The following CRYZL1 variants were observed in gnomAD, a reference collection of about 807,000 sequenced individuals.
CRYZL1 encodes ferry endosomal RAB5 effector complex subunit 4.
CRYZL1 carries 34 observed loss-of-function variants against 50.6 expected under a neutral mutation model. That is an observed-to-expected ratio of 0.67 (90% CI 0.51 to 0.89). The LOEUF (loss-of-function observed/expected upper bound fraction) is 0.89. CRYZL1 is among the 40% of genes least tolerant of loss of function. CRYZL1 has a pLI of 0.00. For missense variants in CRYZL1, 354 were observed against 402.3 expected, an observed-to-expected ratio of 0.88 and a Z score of 1.03; for synonymous variants, 125 against 134.3, an observed-to-expected ratio of 0.93 and a Z score of 0.48.
At chr21:33,641,200 C>T in intron 1 of CRYZL1, 6 of 1,550,526 alleles carry the variant, frequency 3.9e-6, no homozygotes, top group Non-Finnish European at 5.2e-6. Flanking sequence ...GATGATTCCG[C>T]CGTTTAGCAT....
intron 7 of CRYZL1, 23 bp from the exon 8 acceptor site, chr21:33,602,368 T>C: frequency 8.8e-7 from 1 of 1,136,028 alleles, no homozygotes; most frequent in Non-Finnish European, 1.3e-6. Flanking sequence ...AAATATACAG[T>C]GGGTGTATGG....
intron 11 of CRYZL1, chr21:33,595,445 G>A: frequency 7.3e-7 from 1 of 1,368,522 alleles, no homozygotes; most frequent in Non-Finnish European, 9.7e-7. Context: ...AGAAAGGAGA[G>A]AGACTGCCTG....
chr21:33,618,651 G>A (rs909099160), intron 4 of CRYZL1, among the ~76,000 whole-genome samples: 4 of 152,102 alleles, frequency 2.6e-5, no homozygotes, highest in African/African-American at 7.2e-5. Flanking sequence ...CAAGTAATTC[G>A]AAGCCTGGTA....
At chr21:33,641,562 G>C in intron 1 of CRYZL1, 119 bp downstream of exon 1, 1 of 371,962 alleles carries the variant, frequency 2.7e-6, no homozygotes, top group African/African-American at 2.1e-5. Context: ...CAAGTCCCAG[G>C]TTAGGGTTCG....
intron 11 of CRYZL1, among the ~76,000 whole-genome samples, chr21:33,593,683 T>TACATGTTGG (rs1156441968): frequency 2.0e-5 from 3 of 152,064 alleles, no homozygotes; most frequent in Non-Finnish European, 2.9e-5. Flanking sequence ...ACATGTAAGA[T>TACATGTTGG]TCAAAACTAA....
intron 8 of CRYZL1, among the ~76,000 whole-genome samples, chr21:33,600,118 A>C (rs1212234372): frequency 1.3e-5 from 2 of 152,072 alleles, no homozygotes; most frequent in Non-Finnish European, 2.9e-5. Flanking sequence ...AAATCGAAAC[A>C]CTGTCAGCTG....
chr21:33,589,692 T>C lies in CRYZL1; in HGVS notation c.*130A>G, dbSNP rs1315953593. On this transcript the variant is annotated 3_prime_UTR_variant, in exon 13 of 13. Transcript: ENST00000381554. ...AATGTGTCAACTGAGCATCTTGTCT[T>C]AGCAGAGAAACGTGCTTAAAAATGC... is the stretch of plus-strand genomic sequence containing the variant. 1 of 642,178 alleles carries C rather than the reference T, an allele frequency of 1.6e-6. No individual in the cohort carries two copies. Among genetic ancestry groups the C allele is most frequent in the Non-Finnish European group, 2.8e-6 (1 of 354,934 alleles). 39.8% of individuals were successfully genotyped at this position (642,178 alleles called of 1,614,324 possible).
intron 11 of CRYZL1, chr21:33,594,798 A>G (rs968314895): frequency 6.1e-5 from 9 of 146,632 alleles, no homozygotes; most frequent in African/African-American, 1.7e-4. Context: ...ATGTGCCACC[A>G]TGCCCGGCCT....
intron 2 of CRYZL1, among the ~76,000 whole-genome samples, chr21:33,630,590 A>C (rs78217575): frequency 7.7e-6 from 1 of 129,836 alleles, no homozygotes; most frequent in Non-Finnish European, 1.7e-5. Context: ...TGTCGCAATT[A>C]AAAAAAAAAA....
At chr21:33,592,136 T>C (rs114437576) in intron 11 of CRYZL1, among the ~76,000 whole-genome samples, 1,775 of 151,638 alleles carry the variant, frequency 0.012, 43 homozygotes, top group African/African-American at 0.04. Context: ...TTATTACTTT[T>C]TCAGAGCTTT....
intron 8 of CRYZL1, among the ~76,000 whole-genome samples, chr21:33,600,638 T>G (rs2086741122): frequency 6.6e-6 from 1 of 151,612 alleles, no homozygotes; most frequent in Non-Finnish European, 1.5e-5. Flanking sequence ...GCTTTTTTTT[T>G]TTTTTGAGAT....
intron 4 of CRYZL1, 147 bp from the exon 5 acceptor site, chr21:33,616,897 T>G (rs992789959): frequency 2.0e-5 from 13 of 634,410 alleles, no homozygotes; most frequent in African/African-American, 2.0e-4. Context: ...TCAATAACAT[T>G]TTGATGGTCT....
At chr21:33,612,551 A>C (rs1188836706) in intron 6 of CRYZL1, among the ~76,000 whole-genome samples, 1 of 152,192 alleles carries the variant, frequency 6.6e-6, no homozygotes, top group Non-Finnish European at 1.5e-5. Flanking sequence ...AGCGTCCCAA[A>C]GTGCTAGGAT....
rs1360274411 is a variant in CRYZL1, at chr21:33,640,343, AGGTAGTAATTATACACTGCAAT to A, written c.-7+1316_-7+1337del. Among the ~76,000 whole-genome samples, 7 of 151,798 alleles carry A rather than the reference AGGTAGTAATTATACACTGCAAT, an allele frequency of 4.6e-5. No individual in the cohort carries two copies. In the East Asian group the frequency reaches 1.4e-3, roughly 29 times the overall value. On this transcript the variant is annotated intron_variant, in intron 1 of 12. Coordinates refer to ENST00000381554, the MANE Select transcript of CRYZL1 (RefSeq NM_145858.3). ...ATCGATAAGGGAAATTAGTGATAAA[AGGTAGTAATTATACACTGCAAT>A]GGCTGCGGGATCTGATTTAGAAGTC...
intron 4 of CRYZL1, chr21:33,616,966 G>A (rs2086941188): frequency 3.0e-6 from 1 of 336,102 alleles, no homozygotes; most frequent in Admixed American, 4.8e-5. Flanking sequence ...TTTGGGCCAT[G>A]CGATTATTGT....
intron 7 of CRYZL1, 68 bp from the exon 8 acceptor site, chr21:33,602,413 T>G: frequency 1.6e-6 from 1 of 608,712 alleles, no homozygotes; most frequent in South Asian, 2.4e-5. Context: ...TTGATTTCTT[T>G]ATATTATTTA....
chr21:33,602,108 G>GGGA (rs1470526950), intron 8 of CRYZL1, 126 bp downstream of exon 8: 9 of 596,744 alleles, frequency 1.5e-5, no homozygotes, highest in Non-Finnish European at 2.7e-5. Flanking sequence ...CCAAGGTGCT[G>GGGA]AGGTTACAGT....
chr21:33,631,453 TAAC>T (rs1166390992), intron 2 of CRYZL1, 30 bp downstream of exon 2: 1 of 1,431,466 alleles, frequency 7.0e-7, no homozygotes, highest in Admixed American at 2.6e-5. Flanking sequence ...AAAAATACAC[TAAC>T]TACTTTAATG....
intron 10 of CRYZL1, among the ~76,000 whole-genome samples, chr21:33,596,461 A>G (rs140704705): frequency 1.4e-3 from 215 of 152,138 alleles, no homozygotes; most frequent in Admixed American, 3.7e-3. Context: ...AACATGGTGA[A>G]ACCCTGTCTC....
Sources: gnomAD v4.1 joint callset for allele counts (sites outside exome capture counted in the v4.1 genomes callset) on GRCh38, gnomAD v4.1.1 for gene constraint, MANE v1.5 for transcripts, NCBI Gene and HGNC (gene_info 2026-07-23, HGNC 2026-07-21) for gene names.